Variants in UTRN observed in about 807,000 individuals in gnomAD.
UTRN encodes utrophin, also known as dystrophin-related protein 1.
Under a neutral mutation model 463.9 loss-of-function variants are expected in UTRN, and 283 were observed. The ratio of observed to expected loss-of-function variants is 0.61; its 90% CI spans 0.55 to 0.67. The LOEUF (loss-of-function observed/expected upper bound fraction) is 0.67, where lower values mean the gene tolerates loss of function less well. Ranked by LOEUF, UTRN falls within the 30% of genes least tolerant of loss-of-function variation. The pLI is 0.00. For missense variants in UTRN, 3,922 were observed against 4,084.3 expected (o/e 0.96, Z 1.08); for synonymous variants, 1,442 against 1,431.5 (o/e 1.01, Z -0.17).
chr6:144,774,153 G>T, intron 59 of UTRN, 137 bp from the exon 60 acceptor site: 1 of 824,350 alleles, frequency 1.2e-6, no homozygotes, highest in South Asian at 1.7e-5. Flanking sequence ...ATACGTGTTG[G>T]GGAATTTGGG....
intron 14 of UTRN, 70 bp downstream of exon 14, chr6:144,444,452 G>T: frequency 8.6e-7 from 1 of 1,161,908 alleles, no homozygotes; most frequent in Non-Finnish European, 1.2e-6. Flanking sequence ...TGTGACTTTA[G>T]AATAAAGTTG....
intron 63 of UTRN, 66 bp downstream of exon 63, chr6:144,794,057 A>G (rs543166931): frequency 3.1e-5 from 48 of 1,571,942 alleles, no homozygotes; most frequent in Non-Finnish European, 3.9e-5. Context: ...GTTCTGAGAC[A>G]TGGAATAGGG....
In UTRN at chr6:144,433,100, C is replaced by T. The variant is rs1249994407; in HGVS notation, c.856-2835C>T. 6.6e-4 allele frequency among the ~76,000 whole-genome samples: 101 copies of T among 151,998 alleles called. 1 individual carries two copies. The highest frequency in any genetic ancestry group is 2.3e-3 in the African/African-American group (96 of 41,522). ...ATGTCTCCTTCTTTCTACACAGACA[C>T]GGCAACCATCCGATTTCTCAATCTT... On this transcript the variant is annotated intron_variant, in intron 9 of 74. Transcript: ENST00000367545.
At chr6:144,486,363 T>G (rs1232273495) in intron 28 of UTRN, among the ~76,000 whole-genome samples, 1 of 152,220 alleles carries the variant, frequency 6.6e-6, no homozygotes, top group East Asian at 1.9e-4. Context: ...AGTGAATACG[T>G]ATATATTCTT....
At chr6:144,413,723 T>G (rs376805161) in intron 3 of UTRN, among the ~76,000 whole-genome samples, 16 of 152,228 alleles carry the variant, frequency 1.1e-4, no homozygotes, top group Admixed American at 2.0e-4. Context: ...CATACACTTA[T>G]GTACAGTACA....
At chr6:144,790,612 C>T (rs1465614159) in intron 62 of UTRN, among the ~76,000 whole-genome samples, 1 of 152,190 alleles carries the variant, frequency 6.6e-6, no homozygotes, top group Non-Finnish European at 1.5e-5. Context: ...CCTAGTTAGC[C>T]ATGCAGAAGA....
chr6:144,481,463 C>T (rs566735187), intron 26 of UTRN, among the ~76,000 whole-genome samples: 1 of 152,266 alleles, frequency 6.6e-6, no homozygotes, highest in Non-Finnish European at 1.5e-5. Context: ...TGCCTATGTT[C>T]TATAATTTTT....
chr6:144,536,241 C>G (rs551301299), intron 43 of UTRN, among the ~76,000 whole-genome samples: 44 of 152,228 alleles, frequency 2.9e-4, no homozygotes, highest in African/African-American at 1.0e-3. Context: ...CTTTATAATG[C>G]TAGTTTTCTT....
intron 52 of UTRN, among the ~76,000 whole-genome samples, chr6:144,687,422 A>G (rs1359236971): frequency 6.6e-6 from 1 of 152,190 alleles, no homozygotes; most frequent in African/African-American, 2.4e-5. Context: ...CATTAGATAA[A>G]ACAGACTTTA....
chr6:144,741,789 C>T (rs1042785302), intron 54 of UTRN, among the ~76,000 whole-genome samples: 1 of 152,146 alleles, frequency 6.6e-6, no homozygotes, highest in Non-Finnish European at 1.5e-5. Flanking sequence ...CTTGGAGTTG[C>T]GTCTGTCTAG....
chr6:144,471,689 T>C (rs1028492019), intron 23 of UTRN, among the ~76,000 whole-genome samples: 2 of 152,120 alleles, frequency 1.3e-5, no homozygotes, highest in Admixed American at 6.5e-5. Context: ...TGAAAATATA[T>C]AAGGGTAGCA....
At chr6:144,841,587 GTA>G (rs1370052220) in intron 73 of UTRN, among the ~76,000 whole-genome samples, 3 of 151,904 alleles carry the variant, frequency 2.0e-5, no homozygotes, top group Non-Finnish European at 4.4e-5. Context: ...CAAGTAAACT[GTA>G]TATATGTATA....
chr6:144,587,693 CT>C (rs1802604618), intron 51 of UTRN, among the ~76,000 whole-genome samples: 2 of 152,068 alleles, frequency 1.3e-5, no homozygotes, highest in Non-Finnish European at 2.9e-5. Context: ...GAACCCTGCT[CT>C]CCTTGGACAA....
At position 144,722,894 on chromosome 6, in the gene UTRN, C is replaced by T. The variant is rs117181989; in HGVS notation, c.7810-7463C>T. ...GGATGACTATAACCTCACTAGTAATCCCAGGTGGTACCAGCCAAAGAACAG... is the reference window on the plus strand; with the variant it reads ...GGATGACTATAACCTCACTAGTAATTCCAGGTGGTACCAGCCAAAGAACAG... On this transcript the variant is annotated intron_variant, in intron 53 of 74. Coordinates refer to ENST00000367545, the MANE Select transcript of UTRN (RefSeq NM_007124.3). Among the ~76,000 whole-genome samples, 182 of 152,254 alleles carry T rather than the reference C, an allele frequency of 1.2e-3. 1 individual carries two copies. The East Asian group carries it at 0.029, about 24-fold the overall frequency.
At chr6:144,471,096 GGGAGA>G (rs1294870380) in intron 23 of UTRN, among the ~76,000 whole-genome samples, 30 of 134,626 alleles carry the variant, frequency 2.2e-4, no homozygotes, top group Non-Finnish European at 3.8e-4. Flanking sequence ...GAGGGGGAGA[GGGAGA>G]GGGAGAGGGA....
At chr6:144,531,565 G>C (rs913724475) in intron 42 of UTRN, among the ~76,000 whole-genome samples, 1 of 151,958 alleles carries the variant, frequency 6.6e-6, no homozygotes, top group Non-Finnish European at 1.5e-5. Context: ...TAAACACTTA[G>C]GCATCTCATT....
At chr6:144,435,735 GCTTTTATACT>G (rs1469185612) in intron 9 of UTRN, among the ~76,000 whole-genome samples, 190 bp from the exon 10 acceptor site, 1 of 152,188 alleles carries the variant, frequency 6.6e-6, no homozygotes, top group Admixed American at 6.5e-5. Context: ...AGTGCATGCT[GCTTTTATACT>G]CTTTGCTACC....
intron 2 of UTRN, among the ~76,000 whole-genome samples, chr6:144,321,527 T>TGGCGTGATCTCGGCTCACTGCAGC (rs1775648049): frequency 6.9e-6 from 1 of 144,068 alleles, no homozygotes; most frequent in African/African-American, 2.6e-5. Flanking sequence ...TGGAGTGCAG[T>TGGCGTGATCTCGGCTCACTGCAGC]GGCGTGATCT....
intron 51 of UTRN, among the ~76,000 whole-genome samples, chr6:144,622,513 A>T (rs1301249663): frequency 2.0e-5 from 3 of 152,078 alleles, no homozygotes; most frequent in African/African-American, 7.2e-5. Context: ...TCAAGAAAAG[A>T]TATAAGTATT....
Sources: gnomAD v4.1 joint callset for allele counts (sites outside exome capture counted in the v4.1 genomes callset) on GRCh38, gnomAD v4.1.1 for gene constraint, MANE v1.5 for transcripts, NCBI Gene and HGNC (gene_info 2026-07-23, HGNC 2026-07-21) for gene names.